GRID1: variants seen among roughly 807,000 people sequenced by gnomAD.
GRID1 encodes the protein glutamate receptor ionotropic, delta-1.
A neutral mutation model predicts 98.0 loss-of-function variants in GRID1; 28 were observed. That is an observed-to-expected ratio of 0.29 (90% CI 0.21 to 0.39). The LOEUF (loss-of-function observed/expected upper bound fraction) is 0.39. GRID1 is among the 10% of genes least tolerant of loss of function. The pLI, the probability that GRID1 is intolerant of heterozygous loss-of-function variation, is 1.00. For synonymous variants in GRID1, 553 were observed against 538.5 expected, an observed-to-expected ratio of 1.03 and a Z score of -0.37; for missense variants, 1,111 against 1,340.5, an observed-to-expected ratio of 0.83 and a Z score of 2.67.
chr10:85,837,729 G>A (rs1426837225), intron 8 of GRID1, among the ~76,000 whole-genome samples: 1 of 152,034 alleles, frequency 6.6e-6, no homozygotes, highest in Non-Finnish European at 1.5e-5. Flanking sequence ...CAAGAATGCT[G>A]AAAACTCAAA....
intron 8 of GRID1, 111 bp from the exon 9 acceptor site, chr10:85,729,725 C>T: frequency 4.8e-6 from 3 of 628,142 alleles, no homozygotes; most frequent in East Asian, 2.7e-5. Context: ...GAACAGTAGT[C>T]CCCTGGAGTT....
At chr10:85,776,398 AG>A (rs1431009184) in intron 8 of GRID1, among the ~76,000 whole-genome samples, 4 of 152,234 alleles carry the variant, frequency 2.6e-5, no homozygotes, top group African/African-American at 9.6e-5. Context: ...AAAATATAAA[AG>A]GTTACTAAAT....
In GRID1 at chr10:86,274,385, G is replaced by A. The variant is rs1564725998; in HGVS notation, c.236-67737C>T. Among the ~76,000 whole-genome samples, 4 of 152,316 alleles carry A rather than the reference G, an allele frequency of 2.6e-5. No homozygotes were observed. The South Asian group carries it at 8.3e-4, about 32-fold the overall frequency. On this transcript the variant is annotated intron_variant, in intron 2 of 15. Coordinates refer to ENST00000327946, the MANE Select transcript of GRID1 (RefSeq NM_017551.3). ...GTTCTTTTGGCTTAGGATTGACTTG[G>A]CAAGGCGGGCTCTTTTTTGGTTCCA...
chr10:85,704,937 A>G (rs1305433359), intron 12 of GRID1, among the ~76,000 whole-genome samples: 1 of 152,222 alleles, frequency 6.6e-6, no homozygotes, highest in Non-Finnish European at 1.5e-5. Context: ...CAAAGACACA[A>G]CATACCAGAA....
At chr10:85,910,869 T>C (rs1057377287) in intron 5 of GRID1, among the ~76,000 whole-genome samples, 2 of 152,206 alleles carry the variant, frequency 1.3e-5, no homozygotes, top group African/African-American at 4.8e-5. Context: ...GAAGTCCTTT[T>C]GGCAGAGGCA....
chr10:86,296,721 A>G (rs1489240083), intron 2 of GRID1, among the ~76,000 whole-genome samples: 1 of 152,202 alleles, frequency 6.6e-6, no homozygotes, highest in Non-Finnish European at 1.5e-5. Flanking sequence ...CCTGGGCAAC[A>G]GAGGGAGACT....
intron 4 of GRID1, among the ~76,000 whole-genome samples, chr10:85,961,675 T>G (rs529594550): frequency 4.6e-5 from 7 of 151,822 alleles, no homozygotes. Context: ...CTTCCTTCTC[T>G]CCTTCCTTTT....
chr10:86,121,130 G>T (rs1844657779), intron 4 of GRID1, among the ~76,000 whole-genome samples: 1 of 152,168 alleles, frequency 6.6e-6, no homozygotes, highest in African/African-American at 2.4e-5. Context: ...ATGACAAGGT[G>T]CAGACAACAT....
At chr10:85,752,935 T>C (rs1248481344) in intron 8 of GRID1, among the ~76,000 whole-genome samples, 1 of 152,226 alleles carries the variant, frequency 6.6e-6, no homozygotes, top group Non-Finnish European at 1.5e-5. Context: ...TTACAGCTTA[T>C]AGAAATCAAA....
intron 2 of GRID1, among the ~76,000 whole-genome samples, chr10:86,349,366 C>G (rs1186573371): frequency 6.6e-6 from 1 of 152,214 alleles, no homozygotes; most frequent in Non-Finnish European, 1.5e-5. Context: ...GGGTGAGCTT[C>G]TATTTCTTCT....
chr10:86,149,567 A>G (rs1284924071), intron 3 of GRID1, among the ~76,000 whole-genome samples: 2 of 152,266 alleles, frequency 1.3e-5, no homozygotes, highest in African/African-American at 4.8e-5. Context: ...AAACACAGGG[A>G]AAAACATTTT....
Position 85,678,051 on chromosome 10 carries a change from CAGGAATCT to C in GRID1, c.1998-30662_1998-30655del, listed in dbSNP as rs1257553312. ...CTTTAGTGACTTGGCACTAAAAAGG[CAGGAATCT>C]CATTTCTTCACCACCAGCATTCTGC... On this transcript the variant is annotated intron_variant, in intron 12 of 15. Coordinates refer to ENST00000327946, the MANE Select transcript of GRID1 (RefSeq NM_017551.3). 1.2e-4 allele frequency among the ~76,000 whole-genome samples: 18 copies of C among 152,220 alleles called. No individual in the cohort carries two copies. The East Asian group carries it at 2.9e-3, about 25-fold the overall frequency.
At chr10:86,363,323 G>A (rs1357557001) in intron 2 of GRID1, among the ~76,000 whole-genome samples, 1 of 152,172 alleles carries the variant, frequency 6.6e-6, no homozygotes, top group African/African-American at 2.4e-5. Flanking sequence ...GCCCACCTCC[G>A]GCCCAGGCGG....
chr10:85,797,042 T>C (rs920439928), intron 8 of GRID1, among the ~76,000 whole-genome samples: 1 of 152,192 alleles, frequency 6.6e-6, no homozygotes, highest in African/African-American at 2.4e-5. Flanking sequence ...AATTTTATTT[T>C]GTCTTTTAAA....
At chr10:85,859,837 G>A (rs749449319) in intron 6 of GRID1, among the ~76,000 whole-genome samples, 5 of 152,138 alleles carry the variant, frequency 3.3e-5, no homozygotes, top group Non-Finnish European at 5.9e-5. Flanking sequence ...GGATGCGGAG[G>A]GTAGGAAAGG....
At chr10:86,268,585 C>G (rs1847140120) in intron 2 of GRID1, among the ~76,000 whole-genome samples, 1 of 152,210 alleles carries the variant, frequency 6.6e-6, no homozygotes, top group Admixed American at 6.5e-5. Context: ...GAATAGGAGG[C>G]CACCAACACC....
intron 8 of GRID1, among the ~76,000 whole-genome samples, chr10:85,814,578 A>G (rs1192182064): frequency 1.3e-5 from 2 of 151,968 alleles, no homozygotes; most frequent in Non-Finnish European, 2.9e-5. Flanking sequence ...GAAATAACAC[A>G]AACTACTAAC....
At chr10:85,740,955 T>C (rs1050524620) in intron 8 of GRID1, among the ~76,000 whole-genome samples, 33 of 152,066 alleles carry the variant, frequency 2.2e-4, no homozygotes, top group African/African-American at 7.5e-4. Flanking sequence ...CGTTTCACCA[T>C]GTTAACCAGG....
At chr10:86,052,513 G>T (rs1488813222) in intron 4 of GRID1, 1 of 152,154 alleles carries the variant, frequency 6.6e-6, no homozygotes, top group African/African-American at 2.4e-5. Flanking sequence ...GCAGAGTTAG[G>T]CCTGGTTAGT....
Sources: gnomAD v4.1 joint callset for allele counts (sites outside exome capture counted in the v4.1 genomes callset) on GRCh38, gnomAD v4.1.1 for gene constraint, MANE v1.5 for transcripts, NCBI Gene and HGNC (gene_info 2026-07-23, HGNC 2026-07-21) for gene names.